GAS7: variants seen among roughly 807,000 people sequenced by gnomAD.
GAS7 encodes the protein growth arrest-specific protein 7.
GAS7 carries 28 observed loss-of-function variants against 71.1 expected under a neutral mutation model. The observed-to-expected ratio is 0.39, with a 90% confidence interval of 0.29 to 0.54. The LOEUF (loss-of-function observed/expected upper bound fraction) is 0.54. Among genes scored for constraint, GAS7 ranks in the 20% least tolerant of loss-of-function variants. The probability of loss-of-function intolerance (pLI) is 0.62; values close to 1 mark genes in which losing one functional copy is unlikely to be tolerated. For synonymous variants in GAS7, 258 were observed against 245.8 expected, an observed-to-expected ratio of 1.05 and a Z score of -0.46; for missense variants, 436 against 627.8, an observed-to-expected ratio of 0.69 and a Z score of 3.27.
At chr17:10,067,636 C>G (rs1268079947) in intron 1 of GAS7, among the ~76,000 whole-genome samples, 2 of 152,296 alleles carry the variant, frequency 1.3e-5, no homozygotes, top group African/African-American at 4.8e-5. Context: ...ATGCTGAATA[C>G]CTGCCTGGTG....
At position 10,057,655 on chromosome 17, in the gene GAS7, G is replaced by A. The variant is rs879118530; in HGVS notation, c.184-37758C>T. Among the ~76,000 whole-genome samples, 219 of 134,910 alleles carry A rather than the reference G, an allele frequency of 1.6e-3. 1 individual carries two copies. The highest frequency in any genetic ancestry group is 2.1e-3 in the Non-Finnish European group (128 of 61,946). 88.5% of individuals were successfully genotyped at this position (134,910 alleles called of 152,430 possible). A position where few individuals can be genotyped will look rare whatever the true frequency, so the allele number is the denominator to read the frequency against. ...GGGAGCAGCCCCCGCCCCGCCAGCC[G>A]CCCCGTCCGGGAGGTGGGGGGCGCC... On this transcript the variant is annotated intron_variant, in intron 1 of 13. Coordinates refer to ENST00000432992, the MANE Select transcript of GAS7 (RefSeq NM_201433.2).
chr17:9,959,364 A>G lies in GAS7; in HGVS notation c.472-109T>C. The G allele has an allele frequency of 6.4e-7, 1 of 1,562,860 alleles. No homozygotes were observed. Among genetic ancestry groups the G allele is most frequent in the South Asian group, 1.2e-5 (1 of 84,876 alleles). Reference sequence around the variant, plus strand: ...AGGCGCTGGGGAATCAGGGATGCTCAGTCTGAATCCTAAGTCACCATATTC... The same window carrying G: ...AGGCGCTGGGGAATCAGGGATGCTCGGTCTGAATCCTAAGTCACCATATTC... On this transcript the variant is annotated intron_variant, in intron 4 of 13. Transcript: ENST00000432992. This position sits in a 1 kb window ranked among gnomAD's most constrained non-coding sequence, Gnocchi z 5.0.
At chr17:10,081,585 GA>G (rs1321221062) in intron 1 of GAS7, among the ~76,000 whole-genome samples, 1 of 152,162 alleles carries the variant, frequency 6.6e-6, no homozygotes, top group African/African-American at 2.4e-5. Flanking sequence ...AGCAATGACT[GA>G]AAGACTGCGA....
chr17:10,089,287 A>T lies in GAS7; in HGVS notation c.184-69390T>A, dbSNP rs147680749. 7.2e-3 allele frequency among the ~76,000 whole-genome samples: 1,091 copies of T among 152,356 alleles called. 18 individuals are homozygous for T. Among genetic ancestry groups the T allele is most frequent in the African/African-American group, 0.025 (1,031 of 41,584 alleles). ...AGACAAAATAACAGTAGAAAAAAAG[A>T]TAAGGTCAGGGTGAACTGGAGACCT... On this transcript the variant is annotated intron_variant, in intron 1 of 13. Coordinates refer to ENST00000432992, the MANE Select transcript of GAS7 (RefSeq NM_201433.2).
chr17:9,928,612 C>T lies in GAS7; in HGVS notation c.886-1843G>A, dbSNP rs182654410. Among the ~76,000 whole-genome samples, 168 of 152,344 alleles carry T rather than the reference C, an allele frequency of 1.1e-3. 1 individual carries two copies. Among genetic ancestry groups the T allele is most frequent in the African/African-American group, 3.8e-3 (156 of 41,576 alleles). On this transcript the variant is annotated intron_variant, in intron 9 of 13. Transcript: ENST00000432992. ...TCTCTAGGGAGCACAGCTCAACTTC[C>T]CTGGACAGATGATATCCCAACGAGG...
At chr17:9,934,112 T>C (rs566527904) in intron 9 of GAS7, 54 bp downstream of exon 9, 1 of 1,152,660 alleles carries the variant, frequency 8.7e-7, no homozygotes, top group East Asian at 2.3e-5. Context: ...GTTAACTATT[T>C]TTTAGTACCC....
At chr17:10,137,100 C>T (rs1215393285) in intron 1 of GAS7, among the ~76,000 whole-genome samples, 1 of 145,478 alleles carries the variant, frequency 6.9e-6, no homozygotes, top group Admixed American at 7.0e-5. Context: ...GGCAACCGAG[C>T]GAGACCCAGC....
intron 2 of GAS7, among the ~76,000 whole-genome samples, chr17:10,014,361 T>C (rs2071905509): frequency 6.6e-6 from 1 of 152,186 alleles, no homozygotes; most frequent in South Asian, 2.1e-4. Context: ...CTTACCGGCC[T>C]TAAAGCCTTC....
intron 8 of GAS7, among the ~76,000 whole-genome samples, chr17:9,936,641 A>G (rs763413303): frequency 5.3e-5 from 8 of 152,248 alleles, no homozygotes; most frequent in Middle Eastern, 3.4e-3. Flanking sequence ...TCACATCACC[A>G]TTTATTAAAA....
chr17:10,040,365 A>G (rs947634326), intron 1 of GAS7, among the ~76,000 whole-genome samples: 1 of 152,202 alleles, frequency 6.6e-6, no homozygotes, highest in African/African-American at 2.4e-5. Flanking sequence ...ATAGTAGTGA[A>G]GGATGGCATC....
intron 5 of GAS7, among the ~76,000 whole-genome samples, chr17:9,950,904 G>A (rs1225059848): frequency 6.6e-6 from 1 of 151,478 alleles, no homozygotes; most frequent in East Asian, 2.0e-4. Context: ...AATTAGCACT[G>A]TGATGGATTA....
chr17:10,009,918 G>A (rs2071701937), intron 2 of GAS7, among the ~76,000 whole-genome samples: 1 of 152,042 alleles, frequency 6.6e-6, no homozygotes, highest in South Asian at 2.1e-4. Flanking sequence ...TGTTATTTCA[G>A]ATTATTTTTC....
Position 9,929,215 on chromosome 17 carries a change from A to T in GAS7, c.886-2446T>A, listed in dbSNP as rs538729990. ...CTCAGAAACTCCGGGGTCTCTAAGG[A>T]CATGGAAAGCAAGTGACTTTCAGGC... On this transcript the variant is annotated intron_variant, in intron 9 of 13. Transcript: ENST00000432992. 1.2e-4 allele frequency among the ~76,000 whole-genome samples: 18 copies of T among 152,298 alleles called. No individual in the cohort carries two copies. In the East Asian group the frequency reaches 2.7e-3, roughly 23 times the overall value.
At position 10,026,216 on chromosome 17, in the gene GAS7, T is replaced by C; in HGVS notation, c.184-6319A>G. ...ATGGGTGGTCGTCAGACACTCGCTT[T>C]AGCAGCCAGATCAGACGGTTTTAAG... On this transcript the variant is annotated intron_variant, in intron 1 of 13. Transcript: ENST00000432992. This position sits in a 1 kb window ranked among gnomAD's most constrained non-coding sequence, Gnocchi z 4.5. 1 of 985,356 alleles carries C rather than the reference T, an allele frequency of 1.0e-6. No homozygotes were observed. The highest frequency in any genetic ancestry group is 1.2e-6 in the Non-Finnish European group (1 of 829,902). The allele number at this position is 985,356 out of a possible 1,614,324, so 61.0% of individuals were successfully genotyped here. A position where few individuals can be genotyped will look rare whatever the true frequency, so the allele number is the denominator to read the frequency against.
intron 5 of GAS7, among the ~76,000 whole-genome samples, chr17:9,958,001 T>A (rs2069317717): frequency 6.6e-6 from 1 of 152,036 alleles, no homozygotes; most frequent in South Asian, 2.1e-4. Flanking sequence ...GGGTGATGAG[T>A]GTGCACAGAG....
chr17:10,162,380 A>G (rs2904902), intron 1 of GAS7, among the ~76,000 whole-genome samples: 1 of 151,854 alleles, frequency 6.6e-6, no homozygotes, highest in African/African-American at 2.4e-5. Flanking sequence ...CCACTCCTGG[A>G]TGTTACTTCC....
At chr17:9,945,512 T>G (rs2152096531) in intron 6 of GAS7, among the ~76,000 whole-genome samples, 1 of 152,204 alleles carries the variant, frequency 6.6e-6, no homozygotes, top group Non-Finnish European at 1.5e-5. Context: ...CCTCAACCAA[T>G]GCACAGATCT....
intron 1 of GAS7, among the ~76,000 whole-genome samples, chr17:10,117,206 C>T (rs532375191): frequency 2.0e-5 from 3 of 152,210 alleles, no homozygotes; most frequent in South Asian, 2.1e-4. Flanking sequence ...CCCTTCCTCT[C>T]GTCACTCAGC....
rs1022339373 is a variant in GAS7 at position 10,104,134 on chromosome 17, G to A, written c.184-84237C>T. 1.2e-4 allele frequency among the ~76,000 whole-genome samples: 18 copies of A among 151,880 alleles called. No individual in the cohort carries two copies. The East Asian group carries it at 1.9e-3, about 16-fold the overall frequency. On this transcript the variant is annotated intron_variant, in intron 1 of 13. Coordinates refer to ENST00000432992, the MANE Select transcript of GAS7 (RefSeq NM_201433.2). ...CACCAAAAATGTTGCCTGTAGTCAC[G>A]GCTTCGAATCTTTTACCTCTAATTC... is the stretch of plus-strand genomic sequence containing the variant.
Sources: gnomAD v4.1 joint callset for allele counts (sites outside exome capture counted in the v4.1 genomes callset) on GRCh38, gnomAD v4.1.1 for gene constraint, Gnocchi (gnomAD v3.1) non-coding constraint, MANE v1.5 for transcripts, NCBI Gene and HGNC (gene_info 2026-07-23, HGNC 2026-07-21) for gene names.